ABCA5: variants seen among roughly 807,000 people sequenced by gnomAD.
ABCA5 encodes ATP binding cassette subfamily A member 5.
ABCA5 carries 163 observed loss-of-function variants against 206.0 expected under a neutral mutation model. That is an observed-to-expected ratio of 0.79 (90% CI 0.70 to 0.90). The LOEUF (loss-of-function observed/expected upper bound fraction) is 0.90, where lower values mean the gene tolerates loss of function less well. Ranked by LOEUF, ABCA5 falls within the 40% of genes least tolerant of loss-of-function variation. The pLI is 0.00. For missense variants in ABCA5, 1,859 were observed against 1,912.9 expected (o/e 0.97, Z 0.53); for synonymous variants, 609 against 613.8 (o/e 0.99, Z 0.11).
chr17:69,260,783 A>G (rs1351731355), intron 26 of ABCA5, among the ~76,000 whole-genome samples: 1 of 151,806 alleles, frequency 6.6e-6, no homozygotes, highest in Non-Finnish European at 1.5e-5. Flanking sequence ...CTTGGAGAAA[A>G]TCTCTTACAC....
chr17:69,283,912 C>CT (rs574038013), intron 18 of ABCA5, 41 bp downstream of exon 18: 35 of 1,587,098 alleles, frequency 2.2e-5, no homozygotes, highest in Non-Finnish European at 2.9e-5. Context: ...CACCATCTGT[C>CT]TGATTCATTG....
intron 1 of ABCA5, among the ~76,000 whole-genome samples, chr17:69,320,203 T>C (rs1481248247): frequency 6.6e-6 from 1 of 152,056 alleles, no homozygotes; most frequent in Non-Finnish European, 1.5e-5. Context: ...AAGAGAAAGA[T>C]AATTAAGAAA....
intron 9 of ABCA5, among the ~76,000 whole-genome samples, 182 bp downstream of exon 9, chr17:69,300,957 T>G (rs2075646277): frequency 6.6e-6 from 1 of 152,204 alleles, no homozygotes; most frequent in Admixed American, 6.5e-5. Context: ...TCTCTTTATG[T>G]TCACTAGTGG....
chr17:69,277,781 T>C lies in ABCA5; in HGVS notation c.2454A>G (p.Glu818=), dbSNP rs1442746668. Reference sequence around the variant, plus strand: ...AAAGAATAAGTAAGCTCTGTTCCATTTCATCAAAAGATTTTGAATCCATTT... The same window carrying C: ...AAAGAATAAGTAAGCTCTGTTCCATCTCATCAAAAGATTTTGAATCCATTT... ...EEEMDSKSFD[E]MEQSLLILSE... is the part of the protein sequence containing the mutation. The change falls in exon 19 of 39, where the codon GAA becomes GAG. Residue 818 remains glutamate (E), a synonymous_variant. Coordinates refer to ENST00000392676, the MANE Select transcript of ABCA5 (RefSeq NM_172232.4). The C allele has an allele frequency of 8.8e-6, 14 of 1,589,754 alleles. No homozygotes were observed. Among genetic ancestry groups the C allele is most frequent in the Middle Eastern group, 3.3e-4 (2 of 5,982 alleles).
At chr17:69,281,452 C>T (rs2075392990) in intron 18 of ABCA5, among the ~76,000 whole-genome samples, 1 of 152,002 alleles carries the variant, frequency 6.6e-6, no homozygotes, top group South Asian at 2.1e-4. Flanking sequence ...GTGGATTCTT[C>T]CACAATTTGT....
intron 9 of ABCA5, among the ~76,000 whole-genome samples, chr17:69,298,054 T>C (rs2075601870): frequency 6.6e-6 from 1 of 151,814 alleles, no homozygotes; most frequent in African/African-American, 2.4e-5. Flanking sequence ...GATGCGGTGG[T>C]GCATGCCTGT....
At chr17:69,320,302 A>T (rs1300934362) in intron 1 of ABCA5, among the ~76,000 whole-genome samples, 1 of 152,232 alleles carries the variant, frequency 6.6e-6, no homozygotes, top group Non-Finnish European at 1.5e-5. Context: ...TTAAAGACGA[A>T]TTAGTGAGCT....
chr17:69,283,540 C>A (rs936091954), intron 18 of ABCA5, among the ~76,000 whole-genome samples: 1 of 152,176 alleles, frequency 6.6e-6, no homozygotes, highest in Non-Finnish European at 1.5e-5. Context: ...CTTTGAGTAT[C>A]CTCCTGACTT....
rs186034348 is a variant in ABCA5, at chr17:69,244,897, T to C, written c.*2640A>G. The C allele has an allele frequency of 2.4e-4, 36 of 148,420 alleles. No individual in the cohort carries two copies. The highest frequency in any genetic ancestry group is 8.0e-4 in the African/African-American group (33 of 41,002). The allele number at this position is 148,420 out of a possible 1,614,324, so 9.2% of individuals were successfully genotyped here. Reference sequence around the variant, plus strand: ...AGTTATATAAAATAATAGCTAGTTATATAAGTTATATAAGTAATATATTAT... The same window carrying C: ...AGTTATATAAAATAATAGCTAGTTACATAAGTTATATAAGTAATATATTAT... On this transcript the variant is annotated 3_prime_UTR_variant, in exon 39 of 39. Coordinates refer to ENST00000392676, the MANE Select transcript of ABCA5 (RefSeq NM_172232.4).
At chr17:69,286,387 C>G in intron 15 of ABCA5, 76 bp from the exon 16 acceptor site, 1 of 1,296,864 alleles carries the variant, frequency 7.7e-7, no homozygotes, top group Non-Finnish European at 1.1e-6. Flanking sequence ...TTTATGGTTT[C>G]TCATATGAGA....
rs2075270431 is a variant in ABCA5, at chr17:69,271,241, A to G, written c.2813T>C (p.Met938Thr). The G allele has an allele frequency of 6.2e-7, 1 of 1,613,514 alleles. No individual in the cohort carries two copies. The highest frequency in any genetic ancestry group is 1.6e-4 in the Middle Eastern group (1 of 6,062). Residue 938 changes from methionine (M) to threonine (T), a missense_variant, in exon 21 of 39, where the codon ATG becomes ACG. Met to Thr is a moderately conservative substitution (Grantham distance 81, BLOSUM62 -1). Coordinates refer to ENST00000392676, the MANE Select transcript of ABCA5 (RefSeq NM_172232.4). ...GTCACTGTCATTAATCATCGTCACC[A>G]TTATGTTCTGGCTTGTGAAAAAGCT... ...LISFFTSQNI[M>T]VTMINDSDYV...
chr17:69,287,802 A>C, intron 14 of ABCA5, 51 bp from the exon 15 acceptor site: 1 of 1,566,504 alleles, frequency 6.4e-7, no homozygotes, highest in South Asian at 1.2e-5. Flanking sequence ...AAAACTAAAT[A>C]TTAAACAGGC....
At chr17:69,256,408 G>C (rs2075080748) in intron 28 of ABCA5, 125 bp from the exon 29 acceptor site, 1 of 502,108 alleles carries the variant, frequency 2.0e-6, no homozygotes, top group Non-Finnish European at 3.1e-6. Flanking sequence ...GATTATCTCT[G>C]AAAGGTGGAA....
At chr17:69,313,491 T>A (rs1779959711) in intron 2 of ABCA5, among the ~76,000 whole-genome samples, 195 bp from the exon 3 acceptor site, 1 of 152,092 alleles carries the variant, frequency 6.6e-6, no homozygotes, top group Non-Finnish European at 1.5e-5. Context: ...GCATATTATT[T>A]TTTCCTTTGT....
At chr17:69,277,516 G>C (rs1313438324) in intron 19 of ABCA5, 125 bp downstream of exon 19, 1 of 704,342 alleles carries the variant, frequency 1.4e-6, no homozygotes, top group Non-Finnish European at 2.2e-6. Context: ...TGAAATTACA[G>C]TGGTAATCTT....
Position 69,313,181 on chromosome 17 carries a change from G to C in ABCA5, c.218C>G (p.Thr73Ser). 6.2e-7 allele frequency: 1 copy of C among 1,604,790 alleles called. No individual in the cohort carries two copies. The highest frequency in any genetic ancestry group is 8.5e-7 in the Non-Finnish European group (1 of 1,172,336). Reference sequence around the variant, plus strand: ...ATATCCAAGAATTAGATTAGAAAGAGTAAACTTGTCCATAGGATTGAGTTC... The same window carrying C: ...ATATCCAAGAATTAGATTAGAAAGACTAAACTTGTCCATAGGATTGAGTTC... ...NIELNPMDKF[T>S]LSNLILGYTP... The change falls in exon 3 of 39, where the codon ACT (threonine) becomes AGT (serine). Residue 73 changes from threonine (T) to serine (S), a missense_variant. Coordinates refer to ENST00000392676, the MANE Select transcript of ABCA5 (RefSeq NM_172232.4).
intron 35 of ABCA5, 107 bp from the exon 36 acceptor site, chr17:69,250,728 G>GA: frequency 1.3e-6 from 1 of 786,404 alleles, no homozygotes; most frequent in Non-Finnish European, 1.9e-6. Context: ...TATATTTAGA[G>GA]AAAAATTACA....
chr17:69,311,014 C>T (rs1001278655), intron 3 of ABCA5, among the ~76,000 whole-genome samples: 6 of 151,964 alleles, frequency 3.9e-5, no homozygotes, highest in Admixed American at 1.3e-4. Flanking sequence ...GGTAGCATGG[C>T]GAAACCCTGT....
intron 11 of ABCA5, among the ~76,000 whole-genome samples, chr17:69,293,531 T>C (rs2075550476): frequency 6.6e-6 from 1 of 152,160 alleles, no homozygotes; most frequent in South Asian, 2.1e-4. Flanking sequence ...TTAACTTTTA[T>C]AATCATCTGA....
Sources: gnomAD v4.1 joint callset for allele counts (sites outside exome capture counted in the v4.1 genomes callset) on GRCh38, gnomAD v4.1.1 for gene constraint, MANE v1.5 for transcripts, NCBI Gene and HGNC (gene_info 2026-07-23, HGNC 2026-07-21) for gene names.